The following STK10 variants were observed in gnomAD, a reference collection of about 807,000 sequenced individuals.
The protein encoded by STK10 is serine/threonine-protein kinase 10.
In STK10, 78 loss-of-function variants were observed where a neutral mutation model predicts 113.8. The ratio of observed to expected loss-of-function variants is 0.69; its 90% CI spans 0.57 to 0.83. STK10 has a LOEUF of 0.83. Among genes scored for constraint, STK10 ranks in the 40% least tolerant of loss-of-function variants. The probability of loss-of-function intolerance (pLI) is 0.00; values close to 1 mark genes in which losing one functional copy is unlikely to be tolerated. For missense variants in STK10, 1,109 were observed against 1,280.1 expected (o/e 0.87, Z 2.04); for synonymous variants, 465 against 494.7 (o/e 0.94, Z 0.80).
At chr5:172,110,772 A>G (rs780544663) in intron 4 of STK10, among the ~76,000 whole-genome samples, 3 of 152,118 alleles carry the variant, frequency 2.0e-5, no homozygotes, top group Non-Finnish European at 4.4e-5. Context: ...ACCATTGCGC[A>G]GGTTTTCCTG....
chr5:172,148,899 T>C (rs1043620160), intron 2 of STK10, among the ~76,000 whole-genome samples: 5 of 152,156 alleles, frequency 3.3e-5, no homozygotes, highest in Admixed American at 2.0e-4. Flanking sequence ...AACATCTCAA[T>C]CTCGAGCCAG....
chr5:172,154,910 C>G (rs1362485355), intron 2 of STK10, among the ~76,000 whole-genome samples: 2 of 152,066 alleles, frequency 1.3e-5, no homozygotes, highest in Non-Finnish European at 2.9e-5. Context: ...TAGCAAAAGG[C>G]CAAGCACACA....
intron 3 of STK10, among the ~76,000 whole-genome samples, chr5:172,118,425 G>T (rs1383640458): frequency 6.6e-6 from 1 of 152,184 alleles, no homozygotes; most frequent in Non-Finnish European, 1.5e-5. Flanking sequence ...CATGTGGGAT[G>T]TCAGAATGGG....
At chr5:172,054,445 T>C in intron 17 of STK10, 124 bp downstream of exon 17, 2 of 1,405,666 alleles carry the variant, frequency 1.4e-6, no homozygotes, top group African/African-American at 1.4e-5. Flanking sequence ...CTGGAAACCA[T>C]CCATCCCGGG....
At chr5:172,155,400 A>C (rs1007952280) in intron 2 of STK10, among the ~76,000 whole-genome samples, 1 of 151,850 alleles carries the variant, frequency 6.6e-6, no homozygotes, top group Non-Finnish European at 1.5e-5. Context: ...TAGGAGGCTG[A>C]GGCAGGAGAA....
chr5:172,107,226 A>C (rs112458328), intron 5 of STK10, among the ~76,000 whole-genome samples: 1,955 of 152,318 alleles, frequency 0.013, 54 homozygotes, highest in African/African-American at 0.045. Flanking sequence ...AGCAAGCAAG[A>C]AAGGAGCCCA....
chr5:172,129,470 C>T (rs903017953), intron 2 of STK10, among the ~76,000 whole-genome samples: 6 of 152,218 alleles, frequency 3.9e-5, no homozygotes, highest in Non-Finnish European at 7.3e-5. Context: ...AGTGACCTGT[C>T]ACCCTTGAAT....
rs1323834850 is a variant in STK10 at position 172,064,812 on chromosome 5, C to T, written c.1990G>A (p.Val664Met). The T allele has an allele frequency of 3.7e-6, 6 of 1,614,038 alleles. No homozygotes were observed. Among genetic ancestry groups the T allele is most frequent in the South Asian group, 3.3e-5 (3 of 91,092 alleles). ...GGGAGCTTCTCCACCTCGTTCTTCA[C>T]CTGCAGCAGAGACAGCAGAGAGTAG... is the stretch of plus-strand genomic sequence containing the variant. Reference protein sequence around the residue: ...QEQLKLMKKEVKNEVEKLPRQ... With the variant: ...QEQLKLMKKEMKNEVEKLPRQ... The change falls in exon 13 of 19, where the codon GTG becomes ATG. Residue 664 changes from valine (V) to methionine (M), a missense_variant and splice_region_variant. Around this residue, in one of 5 missense-constraint regions of STK10, gnomAD observed 885 missense variants for 991.1 expected, o/e 0.89. Transcript: ENST00000176763.
At chr5:172,074,580 A>G (rs1768268372) in intron 12 of STK10, among the ~76,000 whole-genome samples, 1 of 152,244 alleles carries the variant, frequency 6.6e-6, no homozygotes, top group Non-Finnish European at 1.5e-5. Flanking sequence ...AATGGATTAT[A>G]TATCAAAATA....
chr5:172,074,192 G>T (rs1327372127), intron 12 of STK10, among the ~76,000 whole-genome samples: 1 of 152,048 alleles, frequency 6.6e-6, no homozygotes, highest in East Asian at 1.9e-4. Flanking sequence ...TCAGTAGGAT[G>T]ATTCTAAGGT....
chr5:172,045,623 G>A (rs1487547495), intron 18 of STK10: 2 of 316,310 alleles, frequency 6.3e-6, no homozygotes, highest in Non-Finnish European at 1.2e-5. Flanking sequence ...AGCTCTAGTT[G>A]AAAAGCACTG....
At chr5:172,118,183 T>G (rs2113778831) in intron 3 of STK10, among the ~76,000 whole-genome samples, 1 of 152,282 alleles carries the variant, frequency 6.6e-6, no homozygotes, top group East Asian at 1.9e-4. Context: ...TTGGAAAGGT[T>G]AAGCCACTCG....
chr5:172,082,179 TG>T lies in STK10; in HGVS notation c.1989+146del. The stretch of plus-strand genomic sequence containing the variant: ...AGAAGTGGCTCCTCATGGCGCAGCT[TG>T]GGCACACAGATCCAGGCTCACCTGC... On this transcript the variant is annotated intron_variant, in intron 12 of 18. Coordinates refer to ENST00000176763, the MANE Select transcript of STK10 (RefSeq NM_005990.4). This position sits in a 1 kb window ranked among gnomAD's most constrained non-coding sequence, Gnocchi z 4.3. 3.7e-6 allele frequency: 3 copies of T among 814,790 alleles called. No homozygotes were observed. In the South Asian group the frequency reaches 9.0e-5, roughly 25 times the overall value. The allele number at this position is 814,790 out of a possible 1,614,324, so 50.5% of individuals were successfully genotyped here.
chr5:172,175,098 CT>C (rs1215514684), intron 1 of STK10, among the ~76,000 whole-genome samples: 18 of 152,168 alleles, frequency 1.2e-4, no homozygotes, highest in Non-Finnish European at 2.6e-4. Context: ...TCACTGCAGC[CT>C]TGAATTCCTG....
intron 12 of STK10, among the ~76,000 whole-genome samples, chr5:172,071,212 CAAAAAAAAAA>C (rs369407918): frequency 0.036 from 942 of 26,444 alleles, 15 homozygotes; most frequent in African/African-American, 0.094. Flanking sequence ...CTCTCTATCT[CAAAAAAAAAA>C]AAAAAAAAAA....
At chr5:172,145,576 A>G (rs1770069291) in intron 2 of STK10, among the ~76,000 whole-genome samples, 1 of 152,314 alleles carries the variant, frequency 6.6e-6, no homozygotes, top group South Asian at 2.1e-4. Context: ...TTCATTAGTC[A>G]AGGGACATAT....
At chr5:172,073,578 G>A (rs1768243645) in intron 12 of STK10, among the ~76,000 whole-genome samples, 1 of 151,948 alleles carries the variant, frequency 6.6e-6, no homozygotes, top group Admixed American at 6.6e-5. Flanking sequence ...GATTATAGGC[G>A]TAAGCCACTG....
Position 172,065,908 on chromosome 5 carries a change from A to G in STK10, c.1990-1096T>C, listed in dbSNP as rs978440221. Among the ~76,000 whole-genome samples the G allele has an allele frequency of 5.3e-5, 8 of 152,342 alleles. No individual in the cohort carries two copies. In the South Asian group the frequency reaches 1.4e-3, roughly 28 times the overall value. ...ACTCCTGCCCTCCTGGTCAGACGCC[A>G]GCAAGTGTTCTTTCCTTCTTAAGCC... is the stretch of plus-strand genomic sequence containing the variant. On this transcript the variant is annotated intron_variant, in intron 12 of 18. Coordinates refer to ENST00000176763, the MANE Select transcript of STK10 (RefSeq NM_005990.4).
At chr5:172,108,097 T>C (rs920219200) in intron 4 of STK10, 3 of 406,262 alleles carry the variant, frequency 7.4e-6, no homozygotes, top group African/African-American at 4.1e-5. Context: ...TGGCAATAAA[T>C]AGCAAGAACC....
Sources: gnomAD v4.1 joint callset for allele counts (sites outside exome capture counted in the v4.1 genomes callset) on GRCh38, gnomAD v4.1.1 for gene constraint, gnomAD v4.1.1 regional missense constraint, Gnocchi (gnomAD v3.1) non-coding constraint, MANE v1.5 for transcripts, NCBI Gene and HGNC (gene_info 2026-07-23, HGNC 2026-07-21) for gene names.